Variants in IMMP1L observed in about 807,000 individuals in gnomAD.
IMMP1L encodes mitochondrial inner membrane protease subunit 1.
A neutral mutation model predicts 21.8 loss-of-function variants in IMMP1L; 24 were observed. The observed-to-expected ratio is 1.10, with a 90% CI of 0.80 to 1.55. The LOEUF (loss-of-function observed/expected upper bound fraction) is 1.55. Ranked by LOEUF, IMMP1L falls within the 40% of genes most tolerant of loss-of-function variation. The pLI is 0.00. For synonymous variants in IMMP1L, 46 were observed against 62.8 expected (o/e 0.73, Z 1.26); for missense variants, 195 against 200.7 (o/e 0.97, Z 0.17).
At chr11:31,490,762 C>G in intron 1 of IMMP1L, among the ~76,000 whole-genome samples, 1 of 152,020 alleles carries the variant, frequency 6.6e-6, no homozygotes, top group East Asian at 1.9e-4. Context: ...CATCTGGAAC[C>G]TCAGAACATG....
At chr11:31,473,455 G>A (rs1954634599) in intron 1 of IMMP1L, among the ~76,000 whole-genome samples, 1 of 152,142 alleles carries the variant, frequency 6.6e-6, no homozygotes, top group South Asian at 2.1e-4. Flanking sequence ...TCAAAATGAA[G>A]CTGTTTAGGT....
chr11:31,494,272 T>C lies in IMMP1L; in HGVS notation c.-30+15247A>G, dbSNP rs192578486. 2.3e-3 allele frequency among the ~76,000 whole-genome samples: 353 copies of C among 152,354 alleles called. 1 individual carries two copies. The highest frequency in any genetic ancestry group is 8.2e-3 in the African/African-American group (339 of 41,588). On this transcript the variant is annotated intron_variant, in intron 1 of 5. Transcript: ENST00000532287. ...CCCACACCTCAATTACTGACTTACG[T>C]GCACCCACAGGCCCAACACCACATG...
At chr11:31,472,233 G>T (rs1468564232) in intron 1 of IMMP1L, among the ~76,000 whole-genome samples, 1 of 152,140 alleles carries the variant, frequency 6.6e-6, no homozygotes, top group South Asian at 2.1e-4. Flanking sequence ...CATCTTTGGA[G>T]GGCCATTATT....
chr11:31,496,807 T>C (rs1955454148), intron 1 of IMMP1L, among the ~76,000 whole-genome samples: 1 of 147,928 alleles, frequency 6.8e-6, no homozygotes, highest in African/African-American at 2.5e-5. Context: ...ATCCTATATA[T>C]AACATATATT....
At chr11:31,490,280 C>T (rs1252230867) in intron 1 of IMMP1L, among the ~76,000 whole-genome samples, 6 of 151,912 alleles carry the variant, frequency 3.9e-5, no homozygotes, top group Non-Finnish European at 8.8e-5. Flanking sequence ...GAGACCATCC[C>T]GGCCAACATG....
intron 4 of IMMP1L, among the ~76,000 whole-genome samples, chr11:31,437,786 ACTG>A (rs1423625078): frequency 1.3e-5 from 2 of 152,168 alleles, no homozygotes; most frequent in East Asian, 3.9e-4. Flanking sequence ...CAACGAGTGA[ACTG>A]CTTTCTGTTA....
intron 1 of IMMP1L, among the ~76,000 whole-genome samples, chr11:31,463,805 T>G (rs1954236354): frequency 6.6e-6 from 1 of 152,148 alleles, no homozygotes; most frequent in Non-Finnish European, 1.5e-5. Flanking sequence ...CTAGTAGAAA[T>G]ACTCTCATAG....
chr11:31,467,718 TA>T (rs1954405748), intron 1 of IMMP1L, among the ~76,000 whole-genome samples: 2 of 151,494 alleles, frequency 1.3e-5, no homozygotes, highest in African/African-American at 4.8e-5. Context: ...TGATGCATGC[TA>T]AAATATACTG....
chr11:31,508,864 T>C (rs1357411312), intron 1 of IMMP1L, among the ~76,000 whole-genome samples: 2 of 152,190 alleles, frequency 1.3e-5, no homozygotes, highest in African/African-American at 4.8e-5. Flanking sequence ...TTTCCACACA[T>C]AAAATTGGTA....
chr11:31,448,830 TC>T, intron 4 of IMMP1L: 1 of 475,258 alleles, frequency 2.1e-6, no homozygotes, highest in African/African-American at 2.1e-5. Flanking sequence ...TCTAGGAGCC[TC>T]AAAGATTATT....
intron 1 of IMMP1L, among the ~76,000 whole-genome samples, chr11:31,500,402 CAA>C (rs1251426488): frequency 6.6e-6 from 1 of 151,970 alleles, no homozygotes. Context: ...CTCTGTAAAA[CAA>C]GAGATATAGA....
At chr11:31,488,101 A>G (rs1266420903) in intron 1 of IMMP1L, 8 of 152,140 alleles carry the variant, frequency 5.3e-5, no homozygotes, top group African/African-American at 1.9e-4. Flanking sequence ...AACCGACAGA[A>G]GAAAAAGGAG....
chr11:31,492,418 C>G (rs936046994), intron 1 of IMMP1L, among the ~76,000 whole-genome samples: 20 of 152,132 alleles, frequency 1.3e-4, no homozygotes, highest in Non-Finnish European at 2.6e-4. Context: ...TTTGATCTAT[C>G]CAGACAACTA....
intron 4 of IMMP1L, among the ~76,000 whole-genome samples, chr11:31,447,598 G>T (rs1953571716): frequency 6.6e-6 from 1 of 152,128 alleles, no homozygotes; most frequent in Admixed American, 6.5e-5. Context: ...TGTTAGCTCT[G>T]CATTTGTGTT....
At chr11:31,474,737 G>C (rs982194300) in intron 1 of IMMP1L, among the ~76,000 whole-genome samples, 2 of 152,082 alleles carry the variant, frequency 1.3e-5, no homozygotes, top group Admixed American at 6.6e-5. Context: ...CATTAGCAGA[G>C]GAAATAACTG....
chr11:31,442,550 A>C (rs897082717), intron 4 of IMMP1L, among the ~76,000 whole-genome samples: 1 of 152,232 alleles, frequency 6.6e-6, no homozygotes, highest in East Asian at 1.9e-4. Flanking sequence ...GAAAATCCTA[A>C]GAACAGACTG....
chr11:31,471,110 C>T (rs1351820515), intron 1 of IMMP1L, among the ~76,000 whole-genome samples: 2 of 152,146 alleles, frequency 1.3e-5, no homozygotes, highest in Admixed American at 6.6e-5. Flanking sequence ...AGCTATAAGA[C>T]TTTTAATATT....
intron 1 of IMMP1L, among the ~76,000 whole-genome samples, chr11:31,491,861 CATGGGAGACCCACACATTTTAAA>C (rs751868647): frequency 1.1e-4 from 16 of 152,210 alleles, no homozygotes; most frequent in Non-Finnish European, 1.9e-4. Context: ...TCTAGACATA[CATGGGAGACCCACACATTTTAAA>C]ATATTCAGTA....
At chr11:31,465,067 G>A (rs1227818387) in intron 1 of IMMP1L, among the ~76,000 whole-genome samples, 2 of 152,070 alleles carry the variant, frequency 1.3e-5, no homozygotes, top group Admixed American at 1.3e-4. Context: ...AATACTTTTA[G>A]AACTGATAAA....
Sources: allele counts gnomAD v4.1 joint callset (sites outside exome capture counted in the v4.1 genomes callset), GRCh38; gene constraint gnomAD v4.1.1; transcripts MANE v1.5; gene names NCBI Gene and HGNC (gene_info 2026-07-23, HGNC 2026-07-21).